SGCZ: variants seen among roughly 807,000 people sequenced by gnomAD.
SGCZ encodes zeta-sarcoglycan.
A neutral mutation model predicts 41.3 loss-of-function variants in SGCZ; 40 were observed. That is an observed-to-expected ratio of 0.97 (90% CI 0.75 to 1.26). The LOEUF is 1.26. Ranked by LOEUF, SGCZ falls within the 50% of genes most tolerant of loss-of-function variation. The pLI is 0.00. For missense variants in SGCZ, 552 were observed against 369.8 expected, an observed-to-expected ratio of 1.49 and a Z score of -4.04; for synonymous variants, 206 against 137.5, an observed-to-expected ratio of 1.50 and a Z score of -3.49.
intron 1 of SGCZ, among the ~76,000 whole-genome samples, chr8:14,829,994 G>T (rs1802471720): frequency 6.6e-6 from 1 of 152,186 alleles, no homozygotes; most frequent in South Asian, 2.1e-4. Flanking sequence ...CTATTTTTTA[G>T]TAGAGACGGG....
chr8:15,172,128 A>G (rs113116474), intron 1 of SGCZ, among the ~76,000 whole-genome samples: 5 of 145,708 alleles, frequency 3.4e-5, no homozygotes, highest in African/African-American at 1.2e-4. Context: ...ACTTAGTTTA[A>G]AGGAAAAAAA....
chr8:14,829,958 A>C (rs1320820977), intron 1 of SGCZ, among the ~76,000 whole-genome samples: 2 of 151,896 alleles, frequency 1.3e-5, no homozygotes, highest in African/African-American at 4.8e-5. Context: ...ACTACAGGCG[A>C]CTGCACCACG....
At chr8:14,541,536 T>G (rs1004416678) in intron 2 of SGCZ, among the ~76,000 whole-genome samples, 1 of 152,158 alleles carries the variant, frequency 6.6e-6, no homozygotes, top group Admixed American at 6.6e-5. Flanking sequence ...CTTTATCCAG[T>G]CTATCATTGA....
chr8:14,997,906 G>C (rs1802275483), intron 1 of SGCZ, among the ~76,000 whole-genome samples: 1 of 152,138 alleles, frequency 6.6e-6, no homozygotes, highest in African/African-American at 2.4e-5. Flanking sequence ...GTTGCAGTGA[G>C]CCGAGATGGT....
chr8:14,933,019 G>A (rs1799962620), intron 1 of SGCZ, among the ~76,000 whole-genome samples: 2 of 151,988 alleles, frequency 1.3e-5, no homozygotes, highest in African/African-American at 4.8e-5. Context: ...TAGGCACAGA[G>A]ATGGAAACAA....
At position 14,630,813 on chromosome 8, in the gene SGCZ, T is replaced by C. The variant is rs186786327; in HGVS notation, c.40-75887A>G. Among the ~76,000 whole-genome samples, 1,300 of 138,988 alleles carry C rather than the reference T, an allele frequency of 9.4e-3. 15 individuals carry two copies. Among genetic ancestry groups the C allele is most frequent in the African/African-American group, 0.033 (1,233 of 37,142 alleles). 91.2% of individuals were successfully genotyped at this position (138,988 alleles called of 152,430 possible). ...ACGTGTTCTCACTCATAGGTGGGAA[T>C]TGAACAATGAGAACACTTGGACACA... is the stretch of plus-strand genomic sequence containing the variant. On this transcript the variant is annotated intron_variant, in intron 1 of 7. Transcript: ENST00000382080.
At chr8:14,570,239 T>C (rs531910295) in intron 1 of SGCZ, among the ~76,000 whole-genome samples, 42 of 152,260 alleles carry the variant, frequency 2.8e-4, no homozygotes, top group Admixed American at 2.7e-3. Context: ...TAGCTACCAT[T>C]TGTCCCATCA....
intron 1 of SGCZ, among the ~76,000 whole-genome samples, chr8:14,783,090 T>A (rs529826722): frequency 6.6e-6 from 1 of 152,286 alleles, no homozygotes; most frequent in South Asian, 2.1e-4. Context: ...GGGCTTCTAA[T>A]CATAGAAAAT....
intron 1 of SGCZ, among the ~76,000 whole-genome samples, chr8:14,749,543 T>C (rs1799437269): frequency 6.6e-6 from 1 of 152,200 alleles, no homozygotes; most frequent in Admixed American, 6.5e-5. Context: ...CTGTCTTATG[T>C]TACTGCAGTA....
At chr8:14,445,633 C>G (rs1800409154) in intron 2 of SGCZ, among the ~76,000 whole-genome samples, 1 of 152,114 alleles carries the variant, frequency 6.6e-6, no homozygotes, top group South Asian at 2.1e-4. Context: ...CCCATGCCAC[C>G]TCATTATCCT....
chr8:14,612,910 T>A (rs756961025), intron 1 of SGCZ, among the ~76,000 whole-genome samples: 9 of 152,168 alleles, frequency 5.9e-5, no homozygotes, highest in Admixed American at 1.3e-4. Flanking sequence ...AGCCTCGAAC[T>A]CCTGAGCTCA....
chr8:14,671,541 T>C (rs1808102117), intron 1 of SGCZ, among the ~76,000 whole-genome samples: 1 of 152,168 alleles, frequency 6.6e-6, no homozygotes, highest in Admixed American at 6.6e-5. Context: ...GAAGGACTTA[T>C]TTTGCAACTC....
At chr8:15,149,930 C>T (rs1799132395) in intron 1 of SGCZ, among the ~76,000 whole-genome samples, 1 of 152,132 alleles carries the variant, frequency 6.6e-6, no homozygotes, top group Non-Finnish European at 1.5e-5. Context: ...TCATGGGAAA[C>T]CATGCCAAGG....
Position 14,383,980 on chromosome 8 carries a change from TTATTA to T in SGCZ, c.235-59781_235-59777del, listed in dbSNP as rs1170164539. On this transcript the variant is annotated intron_variant, in intron 2 of 7. Transcript: ENST00000382080. Reference sequence around the variant, plus strand: ...TTTTTTCTTTTTTTAAATTTTATTATTATTATATTTTAAATTTTAGGGTACATGTG... The same window carrying T: ...TTTTTTCTTTTTTTAAATTTTATTATTATTTTAAATTTTAGGGTACATGTG... Among the ~76,000 whole-genome samples, 17 of 151,338 alleles carry T rather than the reference TTATTA, an allele frequency of 1.1e-4. No individual in the cohort carries two copies. In the East Asian group the frequency reaches 2.3e-3, roughly 21 times the overall value.
chr8:14,483,661 G>C (rs985950572), intron 2 of SGCZ, among the ~76,000 whole-genome samples: 13 of 152,160 alleles, frequency 8.5e-5, no homozygotes, highest in African/African-American at 3.1e-4. Context: ...AATTCAAAGA[G>C]AGTATATTGT....
intron 2 of SGCZ, among the ~76,000 whole-genome samples, chr8:14,381,080 T>C (rs1007186963): frequency 6.6e-6 from 1 of 151,366 alleles, no homozygotes; most frequent in Non-Finnish European, 1.5e-5. Flanking sequence ...TGATCATAAT[T>C]AGCAAAAGTA....
At chr8:15,038,139 A>C (rs1006486769) in intron 1 of SGCZ, among the ~76,000 whole-genome samples, 1 of 152,134 alleles carries the variant, frequency 6.6e-6, no homozygotes, top group Non-Finnish European at 1.5e-5. Flanking sequence ...AAAGACATGG[A>C]ATAACAAAAA....
At chr8:14,422,744 T>C (rs1465313221) in intron 2 of SGCZ, among the ~76,000 whole-genome samples, 1 of 152,210 alleles carries the variant, frequency 6.6e-6, no homozygotes, top group East Asian at 1.9e-4. Context: ...GAAGGCTTGC[T>C]TTTGTTACCC....
At chr8:14,164,100 T>C (rs1804132669) in intron 5 of SGCZ, among the ~76,000 whole-genome samples, 1 of 152,198 alleles carries the variant, frequency 6.6e-6, no homozygotes, top group Non-Finnish European at 1.5e-5. Context: ...AAATAATATG[T>C]GTATAGCATT....
Sources: allele counts gnomAD v4.1 joint callset (sites outside exome capture counted in the v4.1 genomes callset), GRCh38; gene constraint gnomAD v4.1.1; transcripts MANE v1.5; gene names NCBI Gene and HGNC (gene_info 2026-07-23, HGNC 2026-07-21).